ADAM17: variants seen among roughly 807,000 people sequenced by gnomAD.
ADAM17 encodes the protein disintegrin and metalloproteinase domain-containing protein 17.
In ADAM17, 39 loss-of-function variants were observed where a neutral mutation model predicts 96.7. The ratio of observed to expected loss-of-function variants is 0.40; its 90% CI spans 0.31 to 0.53. The LOEUF (loss-of-function observed/expected upper bound fraction) is 0.53, where lower values mean the gene tolerates loss of function less well. ADAM17 is among the 20% of genes least tolerant of loss of function. The pLI, the probability that ADAM17 is intolerant of heterozygous loss-of-function variation, is 0.44. For missense variants in ADAM17, 777 were observed against 1,013.2 expected, an observed-to-expected ratio of 0.77 and a Z score of 3.17; for synonymous variants, 344 against 359.2, an observed-to-expected ratio of 0.96 and a Z score of 0.48.
At chr2:9,507,128 A>G (rs903373452) in intron 11 of ADAM17, 1 of 152,170 alleles carries the variant, frequency 6.6e-6, no homozygotes, top group Non-Finnish European at 1.5e-5. Flanking sequence ...TTTCTAGGTC[A>G]AGGAACTACT....
chr2:9,499,604 G>A (rs574867368), intron 13 of ADAM17, among the ~76,000 whole-genome samples: 120 of 152,164 alleles, frequency 7.9e-4, no homozygotes, highest in African/African-American at 2.8e-3. Context: ...GGGTTTCACC[G>A]TGTTAGCCAG....
intron 10 of ADAM17, 123 bp from the exon 11 acceptor site, chr2:9,510,254 C>A: frequency 1.8e-6 from 2 of 1,102,990 alleles, no homozygotes; most frequent in Non-Finnish European, 2.6e-6. Context: ...ATAAGAACTG[C>A]ATGCTTATAA....
chr2:9,549,427 T>C (rs1665515212), intron 1 of ADAM17, among the ~76,000 whole-genome samples: 1 of 152,182 alleles, frequency 6.6e-6, no homozygotes, highest in Admixed American at 6.5e-5. Flanking sequence ...TATCAACATA[T>C]ATACACATAA....
At chr2:9,536,648 GA>G in intron 3 of ADAM17, 49 bp downstream of exon 3, 1 of 1,601,430 alleles carries the variant, frequency 6.2e-7, no homozygotes, top group Non-Finnish European at 8.5e-7. Flanking sequence ...GTTAGATTTG[GA>G]GACCTAATAC....
At chr2:9,513,574 T>C (rs1663861891) in intron 10 of ADAM17, among the ~76,000 whole-genome samples, 1 of 152,182 alleles carries the variant, frequency 6.6e-6, no homozygotes, top group South Asian at 2.1e-4. Flanking sequence ...ACCTAGCTGA[T>C]GTCTACTGCT....
chr2:9,490,428 C>T lies in ADAM17; in HGVS notation c.2224G>A (p.Ala742Thr), dbSNP rs761836949. The T allele has an allele frequency of 8.7e-5, 140 of 1,614,038 alleles. No individual in the cohort carries two copies. The highest frequency in any genetic ancestry group is 1.2e-4 in the Non-Finnish European group (138 of 1,180,036). The change falls in exon 19 of 19, where the codon GCC becomes ACC. Residue 742 changes from alanine to threonine, a missense_variant. Coordinates refer to ENST00000310823, the MANE Select transcript of ADAM17 (RefSeq NM_003183.6). ...APQTPGRLQP[A>T]PVIPSAPAAP... ...GCTGGCGCCGAAGGGATCACAGGGG[C>T]AGGCTGCAGGCGGCCTGGAGTCTGG...
chr2:9,518,018 T>C, intron 9 of ADAM17, 29 bp from the exon 10 acceptor site: 1 of 1,579,734 alleles, frequency 6.3e-7, no homozygotes, highest in East Asian at 2.3e-5. Flanking sequence ...AGAGATAAAT[T>C]GCTTATTAAA....
chr2:9,533,867 G>C (rs117579329), intron 4 of ADAM17, among the ~76,000 whole-genome samples: 2,543 of 152,276 alleles, frequency 0.017, 106 homozygotes, highest in Admixed American at 0.07. Context: ...AGCCACAGGA[G>C]AGTAAGAAAA....
At chr2:9,548,383 G>C (rs879387805) in intron 1 of ADAM17, among the ~76,000 whole-genome samples, 5 of 152,002 alleles carry the variant, frequency 3.3e-5, no homozygotes, top group East Asian at 3.9e-4. Context: ...GAATGGGCTA[G>C]AGGGGAACAA....
intron 10 of ADAM17, among the ~76,000 whole-genome samples, chr2:9,513,532 G>A (rs948623825): frequency 3.9e-5 from 6 of 152,046 alleles, no homozygotes; most frequent in African/African-American, 1.4e-4. Context: ...TACTATTTCC[G>A]GGTGGAGAGT....
intron 10 of ADAM17, among the ~76,000 whole-genome samples, chr2:9,514,539 AT>A (rs1157537725): frequency 7.2e-5 from 2 of 27,884 alleles, no homozygotes; most frequent in Non-Finnish European, 1.5e-4. Context: ...ATATATATAT[AT>A]ATATATATAT....
intron 1 of ADAM17, among the ~76,000 whole-genome samples, chr2:9,552,488 C>T (rs1665616584): frequency 6.6e-6 from 1 of 152,084 alleles, no homozygotes; most frequent in Non-Finnish European, 1.5e-5. Context: ...AAAGAGAAAG[C>T]CAGATGTCAA....
intron 2 of ADAM17, among the ~76,000 whole-genome samples, chr2:9,538,502 A>AT (rs1318785106): frequency 6.6e-6 from 1 of 152,186 alleles, no homozygotes; most frequent in Admixed American, 6.5e-5. Context: ...CTTCCCACAC[A>AT]TTCTCAGTTA....
chr2:9,509,383 A>G (rs182609299), intron 11 of ADAM17, among the ~76,000 whole-genome samples: 162 of 152,338 alleles, frequency 1.1e-3, no homozygotes, highest in African/African-American at 3.8e-3. Context: ...CAGTATCACA[A>G]ATCAACTAGT....
At chr2:9,511,530 C>A (rs1663741385) in intron 10 of ADAM17, among the ~76,000 whole-genome samples, 1 of 152,056 alleles carries the variant, frequency 6.6e-6, no homozygotes, top group Admixed American at 6.6e-5. Context: ...TGTCCAATAA[C>A]AATCTTAATG....
At chr2:9,500,745 T>C (rs561259095) in intron 13 of ADAM17, among the ~76,000 whole-genome samples, 11 of 152,208 alleles carry the variant, frequency 7.2e-5, no homozygotes, top group Non-Finnish European at 1.5e-4. Flanking sequence ...CATTATATAC[T>C]GGTAAGGAAC....
intron 1 of ADAM17, among the ~76,000 whole-genome samples, chr2:9,554,358 T>A (rs926727851): frequency 6.6e-6 from 1 of 152,252 alleles, no homozygotes; most frequent in Non-Finnish European, 1.5e-5. Flanking sequence ...CAATTTGTAC[T>A]GACTTACCAC....
At chr2:9,543,399 C>T in intron 1 of ADAM17, 114 bp from the exon 2 acceptor site, 1 of 939,840 alleles carries the variant, frequency 1.1e-6, no homozygotes, top group Non-Finnish European at 1.4e-6. Flanking sequence ...TTAGGAAGTG[C>T]CAAGCACAAA....
Position 9,489,259 on chromosome 2 carries a change from A to ATTTTTTTTTTTTTTTTTT in ADAM17, c.*900_*917dup, listed in dbSNP as rs34525911. On this transcript the variant is annotated 3_prime_UTR_variant, in exon 19 of 19. Transcript: ENST00000310823. ...AATATTCTAGGTTTGTAGATAGTGA[A>ATTTTTTTTTTTTTTTTTT]TTTTTTTTTTTTTTTTTTTTTTTTG... 70 of 87,400 alleles carry ATTTTTTTTTTTTTTTTTT rather than the reference A, an allele frequency of 8.0e-4. 9 individuals carry two copies. Among genetic ancestry groups the ATTTTTTTTTTTTTTTTTT allele is most frequent in the African/African-American group, 4.4e-3 (69 of 15,530 alleles). 5.4% of individuals were successfully genotyped at this position (87,400 alleles called of 1,614,324 possible).
Sources: gnomAD v4.1 joint callset for allele counts (sites outside exome capture counted in the v4.1 genomes callset) on GRCh38, gnomAD v4.1.1 for gene constraint, MANE v1.5 for transcripts, NCBI Gene and HGNC (gene_info 2026-07-23, HGNC 2026-07-21) for gene names.